The following CROCC variants were observed in gnomAD, a reference collection of about 807,000 sequenced individuals.
The protein encoded by CROCC is rootletin.
CROCC carries 180 observed loss-of-function variants against 245.2 expected under a neutral mutation model. That is an observed-to-expected ratio of 0.73 (90% CI 0.65 to 0.83). The LOEUF is 0.83. Among genes scored for constraint, CROCC ranks in the 40% least tolerant of loss-of-function variants. The probability of loss-of-function intolerance (pLI) is 0.00; values close to 1 mark genes in which losing one functional copy is unlikely to be tolerated. For synonymous variants in CROCC, 1,205 were observed against 1,241.6 expected (o/e 0.97, Z 0.62); for missense variants, 2,688 against 2,779.4 (o/e 0.97, Z 0.74).
chr1:16,926,958 C>T (rs536996686), intron 3 of CROCC, among the ~76,000 whole-genome samples: 151 of 152,278 alleles, frequency 9.9e-4, no homozygotes, highest in African/African-American at 3.5e-3. Flanking sequence ...GAGGTGTGGC[C>T]GAGAGGGCCC....
chr1:16,924,447 C>G lies in CROCC; in HGVS notation c.319C>G (p.Leu107Val). Reference sequence around the variant, plus strand: ...CCAGAGCCGTGCCGAGCGCGATGAGCTCGCCATTAAGTACAATGCGGTCAG... The same window carrying G: ...CCAGAGCCGTGCCGAGCGCGATGAGGTCGCCATTAAGTACAATGCGGTCAG... ...LAQSRAERDE[L>V]AIKYNAVSER... Residue 107 changes from leucine (L) to valine (V), a missense_variant, in exon 3 of 37, where the codon CTC becomes GTC. Physicochemically the swap from Leu to Val is conservative, Grantham distance 32 (BLOSUM62 1). Transcript: ENST00000375541. 1 of 1,613,460 alleles carries G rather than the reference C, an allele frequency of 6.2e-7. No individual in the cohort carries two copies. Among genetic ancestry groups the G allele is most frequent in the Non-Finnish European group, 8.5e-7 (1 of 1,179,898 alleles).
Position 16,950,393 on chromosome 1 carries a change from T to C in CROCC, c.2837-560T>C, listed in dbSNP as rs139976028. 5.4e-3 allele frequency among the ~76,000 whole-genome samples: 816 copies of C among 151,408 alleles called. 1 individual carries two copies. The highest frequency in any genetic ancestry group is 0.019 in the African/African-American group (777 of 41,156). ...GTTTTTTTGAGGCAGAGTCTCACTC[T>C]TGTTGCCCAGGCTGGAGTGCAGTGG... On this transcript the variant is annotated intron_variant, in intron 19 of 36. Transcript: ENST00000375541.
chr1:16,932,475 G>A (rs1359349576), intron 8 of CROCC, among the ~76,000 whole-genome samples: 1 of 152,182 alleles, frequency 6.6e-6, no homozygotes, highest in Non-Finnish European at 1.5e-5. Flanking sequence ...CTGAGGAAGC[G>A]AGTGGTCAGT....
intron 3 of CROCC, among the ~76,000 whole-genome samples, chr1:16,927,104 C>T (rs1211909735): frequency 6.6e-6 from 1 of 151,836 alleles, no homozygotes; most frequent in African/African-American, 2.4e-5. Flanking sequence ...CACTGGGCCC[C>T]ACACAGACAC....
Position 16,922,769 on chromosome 1 carries a change from C to T in CROCC, c.167C>T (p.Thr56Ile), listed in dbSNP as rs530142373. Residue 56 changes from threonine (T) to isoleucine (I), a missense_variant, in exon 2 of 37, where the codon ACC becomes ATC. Physicochemically the swap from Thr to Ile is moderately conservative, Grantham distance 89. Transcript: ENST00000375541. ...CCTGCCCTTATCAGGGAGATTGTCA[C>T]CCGCAACCTCTCCCAGCCTGAGAGC... ...SLPALIREIV[T>I]RNLSQPESPV... 3.6e-5 allele frequency: 58 copies of T among 1,613,774 alleles called. No individual in the cohort carries two copies. The East Asian group carries it at 1.2e-3, about 35-fold the overall frequency.
intron 8 of CROCC, among the ~76,000 whole-genome samples, chr1:16,933,463 T>C (rs927647306): frequency 2.6e-5 from 4 of 152,202 alleles, no homozygotes; most frequent in African/African-American, 9.6e-5. Context: ...TGAAACTCTG[T>C]CTCGAAAAAA....
intron 1 of CROCC, among the ~76,000 whole-genome samples, chr1:16,916,711 C>A (rs2075308969): frequency 6.6e-6 from 1 of 152,296 alleles, no homozygotes; most frequent in Non-Finnish European, 1.5e-5. Context: ...TGGAGTCTCA[C>A]TGTGTTGCCA....
chr1:16,944,708 G>A (rs1168026278), intron 14 of CROCC, among the ~76,000 whole-genome samples: 1 of 152,240 alleles, frequency 6.6e-6, no homozygotes, highest in Non-Finnish European at 1.5e-5. Flanking sequence ...GTAAACTGAG[G>A]CACAGAGAAG....
chr1:16,934,228 T>A (rs1467280554), intron 8 of CROCC, among the ~76,000 whole-genome samples: 1 of 152,242 alleles, frequency 6.6e-6, no homozygotes, highest in Non-Finnish European at 1.5e-5. Context: ...AGGCACTTTC[T>A]CTCCTTACTA....
intron 1 of CROCC, among the ~76,000 whole-genome samples, chr1:16,916,183 C>CAA (rs58710425): frequency 9.3e-6 from 1 of 107,926 alleles, no homozygotes; most frequent in South Asian, 3.1e-4. Flanking sequence ...GACTCTGCCT[C>CAA]AAAAAAAAAG....
At position 16,954,418 on chromosome 1, in the gene CROCC, G is replaced by T; in HGVS notation, c.3321+61G>T. ...AGAGAGGCACATCCCTGGCTGAGGA[G>T]CCCCCACCACGGGGCGGCATGGCCC... On this transcript the variant is annotated intron_variant, in intron 22 of 36. Coordinates refer to ENST00000375541, the MANE Select transcript of CROCC (RefSeq NM_014675.5). This position sits in a 1 kb window ranked among gnomAD's most constrained non-coding sequence, Gnocchi z 4.4. The T allele has an allele frequency of 6.4e-7, 1 of 1,564,526 alleles. No homozygotes were observed. Among genetic ancestry groups the T allele is most frequent in the Non-Finnish European group, 8.7e-7 (1 of 1,151,136 alleles).
Position 16,970,253 on chromosome 1 carries a change from G to T in CROCC, c.5452G>T (p.Val1818Leu), listed in dbSNP as rs772627273. 2 of 1,550,982 alleles carry T rather than the reference G, an allele frequency of 1.3e-6. No homozygotes were observed. Among genetic ancestry groups the T allele is most frequent in the South Asian group, 2.4e-5 (2 of 84,878 alleles). The change falls in exon 34 of 37, where the codon GTG (valine) becomes TTG (leucine). Residue 1818 changes from valine to leucine, a missense_variant and splice_region_variant. Val to Leu is a conservative substitution (Grantham distance 32). This residue lies in a region of CROCC where 1,218 missense variants were observed against 1,286.3 expected (regional missense o/e 0.95). Coordinates refer to ENST00000375541, the MANE Select transcript of CROCC (RefSeq NM_014675.5). ...GGGGCCTGCCTGGCTTCTGTTGCAG[G>T]TGCTGCGGCAGCGGCAGGAGGGTGA... Reference protein sequence around the residue: ...AEGQLQQLREVLRQRQEGEAA... With the variant: ...AEGQLQQLRELLRQRQEGEAA...
intron 8 of CROCC, among the ~76,000 whole-genome samples, chr1:16,934,170 G>C (rs190306108): frequency 5.9e-5 from 9 of 152,366 alleles, no homozygotes; most frequent in Non-Finnish European, 1.0e-4. Flanking sequence ...AAAACTGTGA[G>C]CTTCTCATTT....
chr1:16,948,295 G>A (rs1397536184), intron 17 of CROCC, 36 bp from the exon 18 acceptor site: 6 of 1,512,162 alleles, frequency 4.0e-6, no homozygotes, highest in Middle Eastern at 2.4e-4. Context: ...GCTGGGGGAC[G>A]CTGGGAGTGC....
intron 1 of CROCC, among the ~76,000 whole-genome samples, chr1:16,914,677 C>T (rs1254345546): frequency 2.0e-4 from 31 of 152,290 alleles, no homozygotes; most frequent in Admixed American, 1.0e-3. Context: ...GGGCCCTGCA[C>T]CCCTTGCGCC....
chr1:16,961,223 T>C (rs2076328460), intron 27 of CROCC, 93 bp downstream of exon 27: 6 of 1,207,142 alleles, frequency 5.0e-6, no homozygotes, highest in Non-Finnish European at 6.2e-6. Flanking sequence ...GTTTTTGTTT[T>C]TGTTTTTTTT....
chr1:16,968,757 G>C (rs1364694785), intron 31 of CROCC, among the ~76,000 whole-genome samples: 3 of 152,204 alleles, frequency 2.0e-5, no homozygotes, highest in African/African-American at 7.2e-5. Flanking sequence ...AATACGGCTA[G>C]CCTTGCCTGA....
intron 35 of CROCC, among the ~76,000 whole-genome samples, chr1:16,971,251 G>C (rs914749561): frequency 1.5e-5 from 2 of 136,288 alleles, no homozygotes; most frequent in Non-Finnish European, 3.2e-5. Context: ...GTGTGTGTGT[G>C]TCCATGCACC....
At position 16,939,012 on chromosome 1, in the gene CROCC, C is replaced by T. The variant is rs201951425; in HGVS notation, c.1478C>T (p.Pro493Leu). 0.03 allele frequency: 47,990 copies of T among 1,591,996 alleles called. No individual in the cohort carries two copies. The highest frequency in any genetic ancestry group is 0.035 in the Non-Finnish European group (41,399 of 1,167,462). Residue 493 changes from proline to leucine, a missense_variant, in exon 12 of 37, where the codon CCG (proline) becomes CTG (leucine). Physicochemically the swap from Pro to Leu is moderately conservative, Grantham distance 98. Around this residue, in one of 9 missense-constraint regions of CROCC, gnomAD observed 972 missense variants for 895.3 expected, o/e 1.09. Transcript: ENST00000375541. ...CGGGGGCTCTCGGGCCAGCGGACCC[C>T]GTCCCCACCGCGGCGCTCCTCGCCC... is the stretch of plus-strand genomic sequence containing the variant. ...SLRGLSGQRT[P>L]SPPRRSSPGR...
Sources: allele counts gnomAD v4.1 joint callset (sites outside exome capture counted in the v4.1 genomes callset), GRCh38; gene constraint gnomAD v4.1.1; regional missense constraint gnomAD v4.1.1; non-coding constraint Gnocchi (gnomAD v3.1); transcripts MANE v1.5; gene names NCBI Gene and HGNC (gene_info 2026-07-23, HGNC 2026-07-21).